The following EBNA1BP2 variants were observed in gnomAD, a reference collection of about 807,000 sequenced individuals.
EBNA1BP2 encodes the protein EBNA1 binding protein 2.
EBNA1BP2 carries 36 observed loss-of-function variants against 43.5 expected under a neutral mutation model. The ratio of observed to expected loss-of-function variants is 0.83; its 90% CI spans 0.63 to 1.09. The LOEUF (loss-of-function observed/expected upper bound fraction) is 1.09, where lower values mean the gene tolerates loss of function less well. Ranked by LOEUF, EBNA1BP2 falls within the 50% of genes least tolerant of loss-of-function variation. EBNA1BP2 has a pLI of 0.00. For synonymous variants in EBNA1BP2, 127 were observed against 141.3 expected (o/e 0.90, Z 0.72); for missense variants, 332 against 379.1 (o/e 0.88, Z 1.03).
chr1:43,167,292 A>G, intron 5 of EBNA1BP2, 57 bp from the exon 6 acceptor site: 1 of 1,527,740 alleles, frequency 6.5e-7, no homozygotes, highest in South Asian at 1.1e-5. Context: ...TCCAGTGTCT[A>G]CATTGTCTTA....
chr1:43,171,093 A>C, intron 3 of EBNA1BP2: 1 of 621,788 alleles, frequency 1.6e-6, no homozygotes, highest in Non-Finnish European at 2.4e-6. Flanking sequence ...TGTTGCTAAA[A>C]ATAGTTTAAG....
intron 2 of EBNA1BP2, 103 bp from the exon 3 acceptor site, chr1:43,171,754 C>T (rs1165407742): frequency 6.4e-7 from 1 of 1,563,208 alleles, no homozygotes; most frequent in Admixed American, 1.8e-5. Context: ...CCCCAATACC[C>T]AGACAGGTAA....
intron 4 of EBNA1BP2, among the ~76,000 whole-genome samples, chr1:43,169,498 A>C (rs1164023353): frequency 1.3e-5 from 2 of 152,192 alleles, no homozygotes; most frequent in Non-Finnish European, 2.9e-5. Context: ...TCACAGTAAG[A>C]AGGTGAACTA....
intron 5 of EBNA1BP2, 60 bp downstream of exon 5, chr1:43,168,879 G>A (rs867381337): frequency 6.4e-6 from 10 of 1,551,226 alleles, no homozygotes; most frequent in East Asian, 2.2e-5. Context: ...GTCAGACCAC[G>A]GCAATCTCAT....
At chr1:43,170,622 A>G (rs1415565618) in intron 4 of EBNA1BP2, 134 bp downstream of exon 4, 3 of 1,311,824 alleles carry the variant, frequency 2.3e-6, no homozygotes, top group South Asian at 1.4e-5. Flanking sequence ...GAAGTAGCCA[A>G]TCTATGGAAG....
rs938697912 is a variant in EBNA1BP2 at position 43,172,259 on chromosome 1, G to A, written c.-141C>T. On this transcript the variant is annotated 5_prime_UTR_variant, in exon 1 of 9. Coordinates refer to ENST00000236051, the MANE Select transcript of EBNA1BP2 (RefSeq NM_006824.3). The stretch of plus-strand genomic sequence containing the variant: ...CCGTGGCTCCACGTGCCACCGAATC[G>A]CTCCAGCGCCAGCAACTCACAGCTA... 5 of 1,555,368 alleles carry A rather than the reference G, an allele frequency of 3.2e-6. No individual in the cohort carries two copies. Among genetic ancestry groups the A allele is most frequent in the African/African-American group, 2.7e-5 (2 of 73,238 alleles).
intron 7 of EBNA1BP2, 111 bp downstream of exon 7, chr1:43,166,713 ACT>A (rs1414088247): frequency 9.5e-7 from 1 of 1,049,626 alleles, no homozygotes; most frequent in East Asian, 2.4e-5. Flanking sequence ...CAGCAGCTGC[ACT>A]CTCTGGACTC....
At position 43,170,874 on chromosome 1, in the gene EBNA1BP2, C is replaced by T. The variant is rs1445602855; in HGVS notation, c.329G>A (p.Arg110His). The change falls in exon 4 of 9, where the codon CGC becomes CAC. Residue 110 changes from arginine (R) to histidine (H), a missense_variant. Physicochemically the swap from Arg to His is conservative, Grantham distance 29. Coordinates refer to ENST00000236051, the MANE Select transcript of EBNA1BP2 (RefSeq NM_006824.3). The stretch of plus-strand genomic sequence containing the variant: ...TGCAAGCACTGCGGCCTGGGCTTGG[C>T]GATAGCTGAGAATCGTAGGACAAAA... Reference protein sequence around the residue: ...DDFQREMSFYRQAQAAVLAVL... With the variant: ...DDFQREMSFYHQAQAAVLAVL... 5.7e-6 allele frequency: 9 copies of T among 1,569,922 alleles called. No individual in the cohort carries two copies. Among genetic ancestry groups the T allele is most frequent in the African/African-American group, 2.8e-5 (2 of 71,906 alleles).
chr1:43,164,955 G>T, intron 7 of EBNA1BP2, 150 bp from the exon 8 acceptor site: 1 of 983,358 alleles, frequency 1.0e-6, no homozygotes, highest in Non-Finnish European at 1.5e-6. Context: ...ACAATCCTAT[G>T]CTACAGCCTC....
At chr1:43,172,563 GGGGGAGGGGAAAGGGGAGGGACAA>G (rs1201283199), upstream of EBNA1BP2, 927 of 769,796 alleles carry the variant, frequency 1.2e-3, 12 homozygotes, top group South Asian at 0.011. Flanking sequence ...GGAGGACCCC[GGGGGAGGGGAAAGGGGAGGGACAA>G]GGGGAGGGGA....
chr1:43,172,173 A>T lies in EBNA1BP2; in HGVS notation c.-55T>A, dbSNP rs776660987. ...GAAGAAACGGGGTATCCCGAGACCC[A>T]AGCGGCTAGCAGAGGGCGGCCCTGG... On this transcript the variant is annotated 5_prime_UTR_variant, in exon 1 of 9. Coordinates refer to ENST00000236051, the MANE Select transcript of EBNA1BP2 (RefSeq NM_006824.3). 1.2e-6 allele frequency: 2 copies of T among 1,611,934 alleles called. No homozygotes were observed. Among genetic ancestry groups the T allele is most frequent in the Non-Finnish European group, 1.7e-6 (2 of 1,178,968 alleles).
chr1:43,172,510 G>A, upstream of EBNA1BP2: 2 of 1,424,996 alleles, frequency 1.4e-6, no homozygotes, highest in Non-Finnish European at 1.9e-6. Context: ...AGGGTACAAA[G>A]GAAAAGGCAG....
At chr1:43,164,523 A>C (rs377680618) in intron 8 of EBNA1BP2, 30 bp from the exon 9 acceptor site, 13 of 1,614,054 alleles carry the variant, frequency 8.1e-6, no homozygotes, top group Non-Finnish European at 1.1e-5. Flanking sequence ...ACATCTGGTC[A>C]CATAGCAGCT....
At chr1:43,170,918 A>T (rs556970373) in intron 3 of EBNA1BP2, 39 bp from the exon 4 acceptor site, 1 of 1,516,492 alleles carries the variant, frequency 6.6e-7, no homozygotes, top group Admixed American at 2.5e-5. Flanking sequence ...GAGGTGAAGG[A>T]GGAGGCCTTA....
Position 43,172,055 on chromosome 1 carries a change from C to G in EBNA1BP2, c.64G>C (p.Glu22Gln). Residue 22 changes from glutamate (E) to glutamine (Q), a missense_variant and splice_region_variant, in exon 1 of 9, where the codon GAG becomes CAG. Around this residue, in one of 3 missense-constraint regions of EBNA1BP2, gnomAD observed 182 missense variants for 173.7 expected, o/e 1.05. Transcript: ENST00000236051. ...ESDESLVTDRELQDAFSRGLL... is the reference protein window; with the variant it reads ...ESDESLVTDRQLQDAFSRGLL... ...CCACGAGCTCGGCTGACACCTACCT[C>G]TCTGTCTGTGACAAGGGATTCATCG... 1 of 1,614,228 alleles carries G rather than the reference C, an allele frequency of 6.2e-7. No individual in the cohort carries two copies. The highest frequency in any genetic ancestry group is 8.5e-7 in the Non-Finnish European group (1 of 1,180,038).
intron 7 of EBNA1BP2, 40 bp downstream of exon 7, chr1:43,166,786 C>A: frequency 6.3e-7 from 1 of 1,583,466 alleles, no homozygotes; most frequent in Non-Finnish European, 8.6e-7. Context: ...CCCCATCGCA[C>A]CTCACAGAAC....
intron 4 of EBNA1BP2, 27 bp from the exon 5 acceptor site, chr1:43,169,055 T>G (rs756581018): frequency 6.2e-7 from 1 of 1,611,346 alleles, no homozygotes. Context: ...TGTCAGTTCA[T>G]GTCATTTGAA....
In EBNA1BP2 at chr1:43,164,477, C is replaced by T. The variant is rs757806675; in HGVS notation, c.887G>A (p.Arg296Gln). 5.0e-6 allele frequency: 8 copies of T among 1,614,082 alleles called. No individual in the cohort carries two copies. The highest frequency in any genetic ancestry group is 2.2e-5 in the South Asian group (2 of 91,060). The change falls in exon 9 of 9, where the codon CGA (arginine) becomes CAA (glutamine). Residue 296 changes from arginine (R) to glutamine (Q), a missense_variant. By Grantham distance (43) the Arg-to-Gln change is conservative (BLOSUM62 1). Transcript: ENST00000236051. ...TCTGTTCTTCATCTTCTCTCTTGTT[C>T]GTTTTCCAGGTCTCTTCTACAGAAA... ...KKGSNKRPGKRTREKMKNRTH is the reference protein window; with the variant it reads ...KKGSNKRPGKQTREKMKNRTH
chr1:43,167,208 G>A lies in EBNA1BP2; in HGVS notation c.565C>T (p.Gln189Ter). The change falls in exon 6 of 9, where the codon CAG becomes TAG. Residue 189 changes from glutamine (Q) to a stop codon, truncating the protein, a stop_gained. Transcript: ENST00000236051. LOFTEE classifies it high-confidence loss of function. ...KVQTEVLQKRQQEKAHMMNAI... is the reference protein window; with the variant it reads ...KVQTEVLQKR The stretch of plus-strand genomic sequence containing the variant: ...TTCATCATATGGGCTTTCTCCTGCT[G>A]CCTCTTCTGAAGAACCTCCGTTTGC... 2 of 1,614,106 alleles carry A rather than the reference G, an allele frequency of 1.2e-6. No individual in the cohort carries two copies. Among genetic ancestry groups the A allele is most frequent in the Non-Finnish European group, 1.7e-6 (2 of 1,180,028 alleles).
Sources: allele counts gnomAD v4.1 joint callset (sites outside exome capture counted in the v4.1 genomes callset), GRCh38; gene constraint gnomAD v4.1.1; regional missense constraint gnomAD v4.1.1; transcripts MANE v1.5; gene names NCBI Gene and HGNC (gene_info 2026-07-23, HGNC 2026-07-21).